Variants in BBX observed in about 807,000 individuals in gnomAD.
The protein encoded by BBX is HMG box transcription factor BBX.
Under a neutral mutation model 100.2 loss-of-function variants are expected in BBX, and 30 were observed. The ratio of observed to expected loss-of-function variants is 0.30; its 90% confidence interval spans 0.22 to 0.41. The LOEUF (loss-of-function observed/expected upper bound fraction) is 0.41, where lower values mean the gene tolerates loss of function less well. BBX is among the 10% of genes least tolerant of loss of function. The pLI is 1.00. For missense variants in BBX, 1,023 were observed against 1,129.8 expected, an observed-to-expected ratio of 0.91 and a Z score of 1.35; for synonymous variants, 376 against 388.1, an observed-to-expected ratio of 0.97 and a Z score of 0.37.
At chr3:107,730,520 CT>C (rs1217743890) in intron 6 of BBX, among the ~76,000 whole-genome samples, 1 of 146,638 alleles carries the variant, frequency 6.8e-6, no homozygotes, top group East Asian at 2.0e-4. Context: ...TACATCTGCT[CT>C]TCACAAACCA....
At chr3:107,645,100 G>T (rs1230985590) in intron 2 of BBX, among the ~76,000 whole-genome samples, 6 of 152,126 alleles carry the variant, frequency 3.9e-5, no homozygotes, top group Non-Finnish European at 8.8e-5. Context: ...TTAGTTGAGT[G>T]TGGATTTAGT....
At chr3:107,724,944 G>T (rs1206815600) in intron 5 of BBX, among the ~76,000 whole-genome samples, 1 of 152,188 alleles carries the variant, frequency 6.6e-6, no homozygotes, top group East Asian at 1.9e-4. Flanking sequence ...ATTCTGTGAA[G>T]AAAGGCATTG....
chr3:107,800,956 C>T (rs1182225063), intron 16 of BBX, 139 bp from the exon 17 acceptor site: 4 of 805,342 alleles, frequency 5.0e-6, no homozygotes, highest in Non-Finnish European at 5.9e-6. Context: ...TCTGTAAAAG[C>T]CTTAATATTC....
intron 10 of BBX, among the ~76,000 whole-genome samples, chr3:107,756,066 T>A (rs908716740): frequency 6.6e-6 from 1 of 152,194 alleles, no homozygotes; most frequent in Non-Finnish European, 1.5e-5. Context: ...TGTTTGAATT[T>A]TTTTTTTCCT....
chr3:107,620,944 G>C (rs553350027), intron 2 of BBX, among the ~76,000 whole-genome samples: 5 of 150,058 alleles, frequency 3.3e-5, no homozygotes, highest in South Asian at 2.1e-4. Context: ...GTGTGTGTGT[G>C]GGGGGGTGGG....
chr3:107,598,857 G>A (rs1290513731), intron 2 of BBX, among the ~76,000 whole-genome samples: 1 of 152,058 alleles, frequency 6.6e-6, no homozygotes, highest in Non-Finnish European at 1.5e-5. Flanking sequence ...AAATGGAAAG[G>A]CATTTACTCT....
intron 2 of BBX, among the ~76,000 whole-genome samples, chr3:107,539,813 T>G (rs1185771944): frequency 6.6e-6 from 1 of 152,194 alleles, no homozygotes; most frequent in Non-Finnish European, 1.5e-5. Flanking sequence ...GTTTTTGGTG[T>G]TTGAGAATCT....
intron 5 of BBX, among the ~76,000 whole-genome samples, chr3:107,719,775 C>T (rs1381186252): frequency 6.6e-6 from 1 of 152,006 alleles, no homozygotes; most frequent in Non-Finnish European, 1.5e-5. Context: ...TTAGGAGATA[C>T]AAAACAATTA....
Position 107,697,199 on chromosome 3 carries a change from G to A in BBX, c.-9-13253G>A, listed in dbSNP as rs560647450. ...GTCTGAAGCCTTCTTCTCTCAGCTC[G>A]TCAAAGTCATTCTCCGTCCAGCTTT... On this transcript the variant is annotated intron_variant, in intron 3 of 17. Coordinates refer to ENST00000325805, the MANE Select transcript of BBX (RefSeq NM_001142568.3). Among the ~76,000 whole-genome samples the A allele has an allele frequency of 1.5e-3, 222 of 151,980 alleles. 1 individual carries two copies. Among genetic ancestry groups the A allele is most frequent in the Non-Finnish European group, 2.6e-3 (179 of 68,032 alleles).
At chr3:107,647,882 G>T (rs1319183616) in intron 3 of BBX, among the ~76,000 whole-genome samples, 3 of 152,110 alleles carry the variant, frequency 2.0e-5, no homozygotes, top group Non-Finnish European at 4.4e-5. Flanking sequence ...TACATGTCTT[G>T]CAGAGGAAAG....
chr3:107,630,330 G>A (rs1348812876), intron 2 of BBX, among the ~76,000 whole-genome samples: 1 of 152,176 alleles, frequency 6.6e-6, no homozygotes, highest in Non-Finnish European at 1.5e-5. Context: ...CAGATTGTGA[G>A]TAGTTAAATG....
At chr3:107,718,718 G>C (rs1461399995) in intron 5 of BBX, among the ~76,000 whole-genome samples, 1 of 152,026 alleles carries the variant, frequency 6.6e-6, no homozygotes, top group Non-Finnish European at 1.5e-5. Context: ...GTTTCATACA[G>C]GAAATCCCTT....
chr3:107,577,836 TAAGGAGGCTCACC>T (rs2051917074), intron 2 of BBX, among the ~76,000 whole-genome samples: 2 of 152,094 alleles, frequency 1.3e-5, no homozygotes, highest in Admixed American at 1.3e-4. Context: ...GGTATTGCAG[TAAGGAGGCTCACC>T]AAGATGACGA....
intron 5 of BBX, among the ~76,000 whole-genome samples, chr3:107,725,411 G>A (rs1446927006): frequency 2.6e-5 from 4 of 152,044 alleles, no homozygotes; most frequent in African/African-American, 9.7e-5. Context: ...TCTTTCTCCT[G>A]CCTGATTGCC....
intron 2 of BBX, among the ~76,000 whole-genome samples, chr3:107,601,475 C>T (rs1332761025): frequency 6.6e-6 from 1 of 152,146 alleles, no homozygotes. Flanking sequence ...AGTGAACACA[C>T]AATGATAAGA....
intron 7 of BBX, 58 bp downstream of exon 7, chr3:107,733,081 A>T (rs2063411045): frequency 2.0e-6 from 3 of 1,471,260 alleles, no homozygotes; most frequent in East Asian, 2.3e-5. Context: ...GAACACAGTT[A>T]TAGTCTGTTT....
intron 2 of BBX, among the ~76,000 whole-genome samples, chr3:107,623,406 G>T (rs971559729): frequency 6.6e-6 from 1 of 152,164 alleles, no homozygotes; most frequent in Admixed American, 6.5e-5. Context: ...AAAGAATAGA[G>T]AAAATGGTAC....
At chr3:107,649,538 G>C (rs2057714890) in intron 3 of BBX, among the ~76,000 whole-genome samples, 1 of 152,168 alleles carries the variant, frequency 6.6e-6, no homozygotes, top group African/African-American at 2.4e-5. Flanking sequence ...GCACATAGAA[G>C]CACTCAAGAA....
intron 2 of BBX, among the ~76,000 whole-genome samples, chr3:107,621,319 G>A (rs1385902296): frequency 3.9e-5 from 6 of 152,150 alleles, no homozygotes; most frequent in African/African-American, 1.4e-4. Context: ...ACGTACCACT[G>A]TGTTGTTTCT....
Sources: gnomAD v4.1 joint callset for allele counts (sites outside exome capture counted in the v4.1 genomes callset) on GRCh38, gnomAD v4.1.1 for gene constraint, MANE v1.5 for transcripts, NCBI Gene and HGNC (gene_info 2026-07-23, HGNC 2026-07-21) for gene names.